The following FGF13 variants were observed in gnomAD, a reference collection of about 807,000 sequenced individuals.
FGF13 encodes the protein fibroblast growth factor homologous factor 2.
FGF13 carries 2 observed loss-of-function variants against 19.5 expected under a neutral mutation model. That is an observed-to-expected ratio of 0.10 (90% CI 0.04 to 0.32). The LOEUF is 0.32. Ranked by LOEUF, FGF13 falls within the 10% of genes least tolerant of loss-of-function variation. The pLI, the probability that FGF13 is intolerant of heterozygous loss-of-function variation, is 1.00. For synonymous variants in FGF13, 72 were observed against 76.9 expected (o/e 0.94, Z 0.33); for missense variants, 113 against 192.7 (o/e 0.59, Z 2.45).
In FGF13 at chrX:138,651,835, C is replaced by A. The variant is rs182059540; in HGVS notation, c.403-16180G>T. ...GTGGAACAAAGCAAAGCCAGTGAGG[C>A]CACATGGGGTGGAGGGAAAATTGTG... On this transcript the variant is annotated intron_variant, in intron 3 of 4. Transcript: ENST00000315930. Among the ~76,000 whole-genome samples the A allele has an allele frequency of 7.1e-5, 8 of 112,071 alleles. No individual in the cohort carries two copies. The South Asian group carries it at 3.0e-3, about 42-fold the overall frequency.
chrX:138,733,881 G>GA (rs1333961621), intron 1 of FGF13, among the ~76,000 whole-genome samples: 13 of 106,380 alleles, frequency 1.2e-4, no homozygotes, highest in African/African-American at 2.0e-4. Context: ...GTATGGACAG[G>GA]AAAAAAAAAA....
intron 3 of FGF13, among the ~76,000 whole-genome samples, chrX:138,746,803 C>T (rs1389031000): frequency 1.8e-5 from 2 of 112,383 alleles, no homozygotes; most frequent in African/African-American, 6.5e-5. Context: ...TATCACAGTG[C>T]CCAGCATACA....
At chrX:138,755,316 T>C (rs1320195584) in intron 3 of FGF13, among the ~76,000 whole-genome samples, 1 of 112,203 alleles carries the variant, frequency 8.9e-6, no homozygotes, top group Non-Finnish European at 1.9e-5. Context: ...GAATTCTCTA[T>C]AGGGAATTAA....
upstream of FGF13, among the ~76,000 whole-genome samples, chrX:138,739,987 A>T (rs1183334783): frequency 8.9e-6 from 1 of 112,191 alleles, no homozygotes; most frequent in Non-Finnish European, 1.9e-5. Flanking sequence ...CAAGAAACAG[A>T]CTATTTTAGC....
chrX:139,026,164 C>A (rs1248968902), intron 1 of FGF13, among the ~76,000 whole-genome samples: 2 of 111,091 alleles, frequency 1.8e-5, no homozygotes, highest in East Asian at 5.7e-4. Context: ...ACCTAATTAA[C>A]ATTTTTAACA....
intron 1 of FGF13, among the ~76,000 whole-genome samples, chrX:138,881,438 A>T (rs1343562667): frequency 8.9e-6 from 1 of 111,754 alleles, no homozygotes; most frequent in Non-Finnish European, 1.9e-5. Context: ...ATGAATTAGG[A>T]AGTGTTCCCT....
chrX:138,683,222 A>G (rs941601076), intron 3 of FGF13, among the ~76,000 whole-genome samples: 1 of 111,254 alleles, frequency 9.0e-6, no homozygotes, highest in African/African-American at 3.3e-5. Flanking sequence ...TTTATGCACA[A>G]ATTATTATAT....
At chrX:138,898,234 TTAAC>T (rs1432623908) in intron 1 of FGF13, among the ~76,000 whole-genome samples, 10 of 112,003 alleles carry the variant, frequency 8.9e-5, no homozygotes, top group African/African-American at 1.9e-4. Context: ...TGCACACCCT[TTAAC>T]TACCTAAAAT....
intron 1 of FGF13, chrX:138,739,161 T>C (rs2090301957): frequency 6.6e-6 from 4 of 610,130 alleles, no homozygotes; most frequent in Non-Finnish European, 8.2e-6. Context: ...TATAATTTTG[T>C]TAATTTCTAC....
chrX:138,830,007 T>TA (rs2091060393), intron 3 of FGF13, among the ~76,000 whole-genome samples: 1 of 112,555 alleles, frequency 8.9e-6, no homozygotes, highest in South Asian at 3.7e-4. Flanking sequence ...GCGTGAGCCA[T>TA]CGCGCCTGGC....
intron 1 of FGF13, among the ~76,000 whole-genome samples, chrX:138,918,203 G>A (rs1012900739): frequency 4.5e-5 from 5 of 110,084 alleles, no homozygotes; most frequent in Admixed American, 9.7e-5. Context: ...TTGTGCTTCA[G>A]TATTATTTTA....
At chrX:138,933,063 C>T (rs982293108) in intron 1 of FGF13, among the ~76,000 whole-genome samples, 3 of 111,408 alleles carry the variant, frequency 2.7e-5, no homozygotes, top group African/African-American at 9.8e-5. Flanking sequence ...TTACACCATG[C>T]TGCCTTTAGA....
intron 1 of FGF13, among the ~76,000 whole-genome samples, chrX:139,043,129 C>T (rs182972193): frequency 1.5e-4 from 17 of 111,345 alleles, no homozygotes; most frequent in African/African-American, 5.2e-4. Flanking sequence ...CCACGTGTGA[C>T]TTACCCCACC....
intron 3 of FGF13, among the ~76,000 whole-genome samples, chrX:138,637,049 T>C: frequency 8.9e-6 from 1 of 111,735 alleles, no homozygotes; most frequent in Non-Finnish European, 1.9e-5. Context: ...CCCCCCATCT[T>C]CCCAATCTGG....
At position 138,636,620 on chromosome X, in the gene FGF13, A is replaced by G. The variant is rs139651357; in HGVS notation, c.403-965T>C. On this transcript the variant is annotated intron_variant, in intron 3 of 4. Coordinates refer to ENST00000315930, the MANE Select transcript of FGF13 (RefSeq NM_004114.5). The stretch of plus-strand genomic sequence containing the variant: ...ATGTATAAGTAATCCATAGAGTAGC[A>G]AAGGGCCTACTTGGAGTGGAAGATT... Among the ~76,000 whole-genome samples the G allele has an allele frequency of 6.4e-3, 720 of 112,295 alleles. 8 individuals are homozygous for G. The highest frequency in any genetic ancestry group is 0.022 in the African/African-American group (677 of 30,907).
intron 1 of FGF13, among the ~76,000 whole-genome samples, chrX:138,891,279 C>A (rs1464075493): frequency 9.0e-6 from 1 of 111,105 alleles, no homozygotes; most frequent in Non-Finnish European, 1.9e-5. Context: ...AGTGGGACTC[C>A]GACTCAAAAA....
rs1382038476 is a variant in FGF13, at chrX:139,007,853, A to G, written c.-112-143203T>C. On this transcript the variant is annotated intron_variant, in intron 1 of 2. Transcript: ENST00000421460. ...ACTGCAGGCTCCGTGAAACACCGAA[A>G]AACTGTGTCTGCTTGCTTTCTCAAT... 2.7e-5 allele frequency among the ~76,000 whole-genome samples: 3 copies of G among 112,300 alleles called. No homozygotes were observed. The Admixed American group carries it at 2.8e-4, about 11-fold the overall frequency.
At chrX:138,700,160 T>G (rs889051945) in intron 3 of FGF13, among the ~76,000 whole-genome samples, 7 of 111,127 alleles carry the variant, frequency 6.3e-5, no homozygotes, top group African/African-American at 2.0e-4. Flanking sequence ...CTCTAAAATA[T>G]CTCAGCAATC....
chrX:139,069,751 C>T (rs1042579569), intron 1 of FGF13, among the ~76,000 whole-genome samples: 4 of 112,006 alleles, frequency 3.6e-5, no homozygotes, highest in Non-Finnish European at 7.5e-5. Flanking sequence ...CTACAGTAAC[C>T]AAAACAGCAT....
Sources: allele counts gnomAD v4.1 joint callset (sites outside exome capture counted in the v4.1 genomes callset), GRCh38; gene constraint gnomAD v4.1.1; transcripts MANE v1.5; gene names NCBI Gene and HGNC (gene_info 2026-07-23, HGNC 2026-07-21).